Variants in TSNAX observed in about 807,000 individuals in gnomAD.
The protein encoded by TSNAX is translin associated factor X, also known as translin-associated protein X.
In TSNAX, 12 loss-of-function variants were observed where a neutral mutation model predicts 33.0. The ratio of observed to expected loss-of-function variants is 0.36; its 90% CI spans 0.23 to 0.59. The LOEUF (loss-of-function observed/expected upper bound fraction) is 0.59. Among genes scored for constraint, TSNAX ranks in the 20% least tolerant of loss-of-function variants. TSNAX has a pLI of 0.74. For missense variants in TSNAX, 267 were observed against 341.3 expected (o/e 0.78, Z 1.72); for synonymous variants, 110 against 117.2 (o/e 0.94, Z 0.40).
intron 3 of TSNAX, among the ~76,000 whole-genome samples, chr1:231,539,471 G>C (rs1157584611): frequency 6.6e-6 from 1 of 152,136 alleles, no homozygotes; most frequent in Non-Finnish European, 1.5e-5. Flanking sequence ...GGATTTTGGA[G>C]CATTTTGGAT....
At chr1:231,550,155 C>T (rs1660206240) in intron 4 of TSNAX, among the ~76,000 whole-genome samples, 1 of 152,218 alleles carries the variant, frequency 6.6e-6, no homozygotes, top group Non-Finnish European at 1.5e-5. Flanking sequence ...TCTGCAAATA[C>T]ACTCACATTC....
intron 1 of TSNAX, 145 bp downstream of exon 1, chr1:231,528,971 C>T (rs953242939): frequency 9.0e-7 from 1 of 1,117,166 alleles, no homozygotes; most frequent in Non-Finnish European, 1.3e-6. Context: ...TCTCCCCGGC[C>T]AGATCGGCCC....
intron 2 of TSNAX, chr1:231,534,653 C>T (rs1659038989): frequency 6.6e-6 from 1 of 152,156 alleles, no homozygotes; most frequent in Non-Finnish European, 1.5e-5. Flanking sequence ...TTATTGGGCA[C>T]ATGGATTTGC....
At position 231,542,466 on chromosome 1, in the gene TSNAX, A is replaced by G. The variant is rs1050655496; in HGVS notation, c.237-15A>G. The G allele has an allele frequency of 1.2e-6, 2 of 1,612,176 alleles. No individual in the cohort carries two copies. The highest frequency in any genetic ancestry group is 1.7e-6 in the Non-Finnish European group (2 of 1,179,232). On this transcript the variant is annotated splice_polypyrimidine_tract_variant and intron_variant, in intron 3 of 5. Coordinates refer to ENST00000366639, the MANE Select transcript of TSNAX (RefSeq NM_005999.3). ...GCATCTGATGTTCTAAAAGTTCCCA[A>G]TATCTTGATCATAGTGCTCCTGATA...
chr1:231,534,743 T>C (rs1317528317), intron 2 of TSNAX: 1 of 152,224 alleles, frequency 6.6e-6, no homozygotes, highest in African/African-American at 2.4e-5. Context: ...ACAGATGCTC[T>C]TATCCAGTAT....
intron 2 of TSNAX, among the ~76,000 whole-genome samples, chr1:231,530,386 G>A (rs148052293): frequency 3.8e-4 from 58 of 152,280 alleles, no homozygotes; most frequent in Non-Finnish European, 4.9e-4. Flanking sequence ...TGAATAAAGA[G>A]CGTACTGATA....
Position 231,537,278 on chromosome 1 carries a change from A to G in TSNAX, c.187A>G (p.Ile63Val), listed in dbSNP as rs2124890332. Residue 63 changes from isoleucine to valine, a missense_variant, in exon 3 of 6, where the codon ATA (isoleucine) becomes GTA (valine). Coordinates refer to ENST00000366639, the MANE Select transcript of TSNAX (RefSeq NM_005999.3). ...GAGACTTGTGAAACTTAGTCGGGAT[A>G]TAACTGTTGAAAGTAAAAGGACAAT... is the stretch of plus-strand genomic sequence containing the variant. ...YERLVKLSRDITVESKRTIFL... is the reference protein window; with the variant it reads ...YERLVKLSRDVTVESKRTIFL... 2 of 1,613,802 alleles carry G rather than the reference A, an allele frequency of 1.2e-6. No homozygotes were observed. The highest frequency in any genetic ancestry group is 3.3e-5 in the Admixed American group (2 of 59,958).
chr1:231,560,289 T>C (rs1660983674), intron 4 of TSNAX, among the ~76,000 whole-genome samples: 1 of 151,838 alleles, frequency 6.6e-6, no homozygotes, highest in South Asian at 2.1e-4. Context: ...CAAATGATTC[T>C]TAATTTTATG....
chr1:231,557,061 A>G (rs1660742600), intron 4 of TSNAX, among the ~76,000 whole-genome samples: 1 of 152,192 alleles, frequency 6.6e-6, no homozygotes, highest in South Asian at 2.1e-4. Flanking sequence ...GGAGACCAGG[A>G]CATGCTTAGA....
intron 3 of TSNAX, among the ~76,000 whole-genome samples, chr1:231,541,268 A>G (rs148307707): frequency 0.022 from 3,332 of 152,158 alleles, 124 homozygotes; most frequent in African/African-American, 0.076. Flanking sequence ...CTTATTGTCA[A>G]CTATTCTCAC....
intron 4 of TSNAX, among the ~76,000 whole-genome samples, chr1:231,546,695 TAAC>T (rs1659933936): frequency 6.6e-6 from 1 of 152,230 alleles, no homozygotes; most frequent in Non-Finnish European, 1.5e-5. Context: ...TGCAGTGACT[TAAC>T]AAACTAGAAA....
At chr1:231,534,954 G>A (rs1240070046) in intron 2 of TSNAX, 2 of 152,192 alleles carry the variant, frequency 1.3e-5, no homozygotes, top group Non-Finnish European at 2.9e-5. Flanking sequence ...AGGGAGGCAC[G>A]TGATTCTTAA....
intron 3 of TSNAX, among the ~76,000 whole-genome samples, chr1:231,540,697 C>T (rs112833156): frequency 2.8e-4 from 42 of 152,284 alleles, no homozygotes; most frequent in African/African-American, 8.2e-4. Flanking sequence ...TCTGTACACT[C>T]GCTCTATCAG....
intron 5 of TSNAX, among the ~76,000 whole-genome samples, chr1:231,564,211 A>G (rs1661289501): frequency 6.6e-6 from 1 of 152,206 alleles, no homozygotes; most frequent in African/African-American, 2.4e-5. Context: ...AAAGTTATTA[A>G]GCCTTGTTCA....
chr1:231,555,861 A>G (rs1660658308), intron 4 of TSNAX, among the ~76,000 whole-genome samples: 1 of 152,216 alleles, frequency 6.6e-6, no homozygotes, highest in Non-Finnish European at 1.5e-5. Context: ...TTTGTAGAAT[A>G]GAGTCCTTAA....
In TSNAX at chr1:231,564,654, A is replaced by G. The variant is rs181169848; in HGVS notation, c.622A>G (p.Asn208Asp). 1 of 1,614,086 alleles carries G rather than the reference A, an allele frequency of 6.2e-7. No individual in the cohort carries two copies. The highest frequency in any genetic ancestry group is 2.2e-5 in the East Asian group (1 of 44,878). ...LMRMCINSVGNGDIDTPFEVS... is the reference protein window; with the variant it reads ...LMRMCINSVGDGDIDTPFEVS... ...GCGGATGTGTATTAACAGTGTGGGG[A>G]ATGGGGACATTGATACCCCCTTTGA... The change falls in exon 6 of 6, where the codon AAT (asparagine) becomes GAT (aspartate). Residue 208 changes from asparagine (N) to aspartate (D), a missense_variant. Transcript: ENST00000366639.
intron 4 of TSNAX, among the ~76,000 whole-genome samples, chr1:231,556,190 T>C (rs1347808439): frequency 1.3e-5 from 2 of 152,214 alleles, no homozygotes; most frequent in East Asian, 3.8e-4. Flanking sequence ...ATTCAAAACA[T>C]GGAAAATGGT....
At chr1:231,556,437 C>T (rs1042271393) in intron 4 of TSNAX, among the ~76,000 whole-genome samples, 1 of 152,194 alleles carries the variant, frequency 6.6e-6, no homozygotes, top group Non-Finnish European at 1.5e-5. Flanking sequence ...CAACAAGGCA[C>T]TGCTGAATGA....
Position 231,561,157 on chromosome 1 carries a change from T to A in TSNAX, c.397T>A (p.Phe133Ile). The A allele has an allele frequency of 6.2e-7, 1 of 1,611,536 alleles. No homozygotes were observed. The highest frequency in any genetic ancestry group is 8.5e-7 in the Non-Finnish European group (1 of 1,179,290). ...ACAGGAATATGTGGAAGCTGTCTCT[T>A]TTCAACACTTCATCAAAACACGATC... Reference protein sequence around the residue: ...GLQEYVEAVSFQHFIKTRSLI... With the variant: ...GLQEYVEAVSIQHFIKTRSLI... Residue 133 changes from phenylalanine to isoleucine, a missense_variant, in exon 5 of 6, where the codon TTT (phenylalanine) becomes ATT (isoleucine). Around this residue, in one of 2 missense-constraint regions of TSNAX, gnomAD observed 200 missense variants for 214.1 expected, o/e 0.93. Coordinates refer to ENST00000366639, the MANE Select transcript of TSNAX (RefSeq NM_005999.3).
Sources: allele counts gnomAD v4.1 joint callset (sites outside exome capture counted in the v4.1 genomes callset), GRCh38; gene constraint gnomAD v4.1.1; regional missense constraint gnomAD v4.1.1; transcripts MANE v1.5; gene names NCBI Gene and HGNC (gene_info 2026-07-23, HGNC 2026-07-21).